The following SUSD4 variants were observed in gnomAD, a reference collection of about 807,000 sequenced individuals.
SUSD4 encodes sushi domain-containing protein 4.
In SUSD4, 41 loss-of-function variants were observed where a neutral mutation model predicts 50.5. The observed-to-expected ratio is 0.81, with a 90% CI of 0.63 to 1.05. The LOEUF (loss-of-function observed/expected upper bound fraction) is 1.05, where lower values mean the gene tolerates loss of function less well. SUSD4 is among the 50% of genes least tolerant of loss of function. SUSD4 has a pLI of 0.00. For synonymous variants in SUSD4, 257 were observed against 257.3 expected (o/e 1.00, Z 0.01); for missense variants, 580 against 634.7 (o/e 0.91, Z 0.93).
chr1:223,317,596 C>G (rs1300271980), intron 2 of SUSD4, among the ~76,000 whole-genome samples: 1 of 152,118 alleles, frequency 6.6e-6, no homozygotes, highest in East Asian at 1.9e-4. Flanking sequence ...TCAACCTGGT[C>G]CTGGAAGTAC....
At chr1:223,359,148 C>A (rs796836406) in intron 2 of SUSD4, 2 of 471,060 alleles carry the variant, frequency 4.2e-6, no homozygotes, top group South Asian at 3.1e-5. Flanking sequence ...GAAGACAAGC[C>A]AAGCTCAGAT....
At chr1:223,223,145 G>C (rs1249897146) in intron 8 of SUSD4, 104 bp downstream of exon 8, 2 of 1,422,750 alleles carry the variant, frequency 1.4e-6, no homozygotes, top group Non-Finnish European at 1.8e-6. Context: ...AGATTGATTC[G>C]ACTCTGTGCT....
intron 2 of SUSD4, among the ~76,000 whole-genome samples, chr1:223,317,903 T>C (rs1335055266): frequency 8.7e-6 from 1 of 114,724 alleles, no homozygotes; most frequent in Non-Finnish European, 1.8e-5. Context: ...CATGTGCACA[T>C]TGTGCAGGTT....
At chr1:223,324,401 C>G (rs971159203) in intron 2 of SUSD4, among the ~76,000 whole-genome samples, 2 of 151,660 alleles carry the variant, frequency 1.3e-5, no homozygotes, top group Non-Finnish European at 2.9e-5. Flanking sequence ...TGACTGTTCA[C>G]AATGAAGACC....
intron 5 of SUSD4, among the ~76,000 whole-genome samples, chr1:223,263,147 G>A (rs753236705): frequency 6.6e-6 from 1 of 152,136 alleles, no homozygotes; most frequent in Non-Finnish European, 1.5e-5. Flanking sequence ...ATCTTTAAAG[G>A]GCCCTCTCTG....
chr1:223,274,745 T>C (rs1313510837), intron 3 of SUSD4, among the ~76,000 whole-genome samples: 1 of 152,198 alleles, frequency 6.6e-6, no homozygotes, highest in Non-Finnish European at 1.5e-5. Context: ...GCTATTCACT[T>C]GGAGGGACTG....
At chr1:223,317,532 G>C (rs1666274197) in intron 2 of SUSD4, among the ~76,000 whole-genome samples, 1 of 151,998 alleles carries the variant, frequency 6.6e-6, no homozygotes, top group South Asian at 2.1e-4. Flanking sequence ...CCCTTTCCTG[G>C]AACAGGTGAA....
chr1:223,337,502 G>A (rs1667525395), intron 2 of SUSD4, among the ~76,000 whole-genome samples: 1 of 152,210 alleles, frequency 6.6e-6, no homozygotes, highest in African/African-American at 2.4e-5. Context: ...GTAAATACGG[G>A]TGGGGAGGTA....
chr1:223,235,914 T>C (rs538111592), intron 5 of SUSD4, among the ~76,000 whole-genome samples: 20 of 152,338 alleles, frequency 1.3e-4, no homozygotes, highest in Admixed American at 1.2e-3. Context: ...TAAGAATACA[T>C]TTAGTTTTGT....
intron 3 of SUSD4, among the ~76,000 whole-genome samples, chr1:223,284,841 A>C (rs1032952099): frequency 6.6e-6 from 1 of 152,162 alleles, no homozygotes; most frequent in South Asian, 2.1e-4. Context: ...AAAAGTAGAA[A>C]AGAGGCTACT....
chr1:223,278,877 G>A (rs1419802159), intron 3 of SUSD4, among the ~76,000 whole-genome samples: 1 of 152,194 alleles, frequency 6.6e-6, no homozygotes, highest in Admixed American at 6.5e-5. Context: ...AGCTTCCAGA[G>A]GAACGATCAG....
At chr1:223,348,032 C>A (rs1321691427) in intron 2 of SUSD4, among the ~76,000 whole-genome samples, 4 of 152,044 alleles carry the variant, frequency 2.6e-5, no homozygotes, top group South Asian at 4.2e-4. Context: ...ACATAACAAA[C>A]CCCAAGCCCA....
chr1:223,222,383 T>C (rs1454517420), intron 8 of SUSD4, among the ~76,000 whole-genome samples, 163 bp from the exon 9 acceptor site: 3 of 152,222 alleles, frequency 2.0e-5, no homozygotes, highest in Non-Finnish European at 4.4e-5. Context: ...CAACCTCCTA[T>C]ACAACATCTT....
intron 2 of SUSD4, among the ~76,000 whole-genome samples, chr1:223,339,525 CAA>C (rs955274246): frequency 3.3e-5 from 5 of 152,178 alleles, no homozygotes; most frequent in African/African-American, 9.7e-5. Flanking sequence ...GCCATGCTCC[CAA>C]AGTCTAATCC....
chr1:223,310,582 G>T (rs1389403842), intron 2 of SUSD4, among the ~76,000 whole-genome samples: 2 of 152,114 alleles, frequency 1.3e-5, no homozygotes, highest in African/African-American at 2.4e-5. Flanking sequence ...ACACAAAAAA[G>T]ACGTGTGCAC....
At chr1:223,328,056 A>G (rs1465228963) in intron 2 of SUSD4, among the ~76,000 whole-genome samples, 1 of 152,064 alleles carries the variant, frequency 6.6e-6, no homozygotes, top group African/African-American at 2.4e-5. Context: ...AGAGCACTAC[A>G]GGGGTAATGT....
Position 223,292,638 on chromosome 1 carries a change from A to C in SUSD4, c.162T>G (p.Leu54=). The C allele has an allele frequency of 6.2e-7, 1 of 1,613,960 alleles. No individual in the cohort carries two copies. The highest frequency in any genetic ancestry group is 8.5e-7 in the Non-Finnish European group (1 of 1,179,954). The change falls in exon 3 of 9, where the codon CTT becomes CTG. Residue 54 remains leucine, a synonymous_variant. Coordinates refer to ENST00000366878, the MANE Select transcript of SUSD4 (RefSeq NM_017982.4). ...PAQLTGGFDD[L]QVCADPGIPE... ...GAATGCCGGGGTCAGCACACACTTG[A>C]AGGTCATCGAACCCTACATCAACAA...
chr1:223,233,270 C>T (rs1025812963), intron 5 of SUSD4, among the ~76,000 whole-genome samples: 2 of 152,134 alleles, frequency 1.3e-5, no homozygotes, highest in African/African-American at 4.8e-5. Context: ...AATGATTGCA[C>T]CTGGCAGACC....
intron 3 of SUSD4, among the ~76,000 whole-genome samples, chr1:223,282,275 A>G (rs1173520591): frequency 1.3e-5 from 2 of 152,316 alleles, no homozygotes; most frequent in East Asian, 3.9e-4. Context: ...AGGGTATTCA[A>G]TCAGGAAAAG....
Sources: gnomAD v4.1 joint callset for allele counts (sites outside exome capture counted in the v4.1 genomes callset) on GRCh38, gnomAD v4.1.1 for gene constraint, MANE v1.5 for transcripts, NCBI Gene and HGNC (gene_info 2026-07-23, HGNC 2026-07-21) for gene names.